NHSL1: variants seen among roughly 807,000 people sequenced by gnomAD.
NHSL1 encodes NHS like 1.
A neutral mutation model predicts 95.0 loss-of-function variants in NHSL1; 48 were observed. That is an observed-to-expected ratio of 0.51 (90% confidence interval 0.40 to 0.64). The LOEUF is 0.64. Ranked by LOEUF, NHSL1 falls within the 30% of genes least tolerant of loss-of-function variation. The pLI is 0.00. For missense variants in NHSL1, 1,971 were observed against 2,077.7 expected (o/e 0.95, Z 1.00); for synonymous variants, 783 against 833.9 (o/e 0.94, Z 1.05).
In NHSL1 at chr6:138,613,182, T is replaced by A. The variant is rs142093084; in HGVS notation, c.96+79294A>T. 1.9e-3 allele frequency among the ~76,000 whole-genome samples: 292 copies of A among 152,304 alleles called. 1 individual carries two copies. The highest frequency in any genetic ancestry group is 6.7e-3 in the African/African-American group (277 of 41,566). ...TTTTAACTAACTGCAGGCCAAAATA[T>A]TGGCCATTAGTGAACCAGCCTATAA... On this transcript the variant is annotated intron_variant, in intron 1 of 3. Coordinates refer to the NHSL1 transcript ENST00000491526.
intron 1 of NHSL1, among the ~76,000 whole-genome samples, chr6:138,506,765 T>G (rs1389100296): frequency 6.6e-6 from 1 of 152,180 alleles, no homozygotes; most frequent in African/African-American, 2.4e-5. Flanking sequence ...CAGTTGACAT[T>G]ATTAAAGGAA....
At chr6:138,589,280 T>C (rs1439298112) in intron 1 of NHSL1, among the ~76,000 whole-genome samples, 1 of 152,046 alleles carries the variant, frequency 6.6e-6, no homozygotes, top group African/African-American at 2.4e-5. Context: ...CGTGCCAGCA[T>C]CCCAGGGGCC....
intron 1 of NHSL1, among the ~76,000 whole-genome samples, chr6:138,565,210 G>A (rs530327455): frequency 5.3e-5 from 8 of 152,100 alleles, no homozygotes; most frequent in East Asian, 1.9e-4. Flanking sequence ...GGGTTCAAGC[G>A]ATTCTCCTGC....
intron 1 of NHSL1, among the ~76,000 whole-genome samples, chr6:138,668,591 GA>G (rs1785324439): frequency 6.9e-6 from 1 of 145,230 alleles, no homozygotes; most frequent in African/African-American, 2.5e-5. Context: ...TAAAAGGAAA[GA>G]AAAAAAGAAT....
chr6:138,571,631 T>C (rs977927753), intron 1 of NHSL1: 1 of 1,345,234 alleles, frequency 7.4e-7, no homozygotes, highest in African/African-American at 1.5e-5. Context: ...GCAAAAATCA[T>C]GAAGGGGGAG....
upstream of NHSL1, among the ~76,000 whole-genome samples, chr6:138,500,438 G>A (rs1780612560): frequency 1.3e-5 from 2 of 152,158 alleles, no homozygotes; most frequent in Admixed American, 1.3e-4. Flanking sequence ...ATATAGATCC[G>A]GAAATACTAT....
At chr6:138,450,704 A>C (rs183516407) in intron 3 of NHSL1, among the ~76,000 whole-genome samples, 100 of 152,326 alleles carry the variant, frequency 6.6e-4, no homozygotes, top group African/African-American at 2.2e-3. Flanking sequence ...TTTCTCTTAC[A>C]AGAAAATTTC....
intron 1 of NHSL1, among the ~76,000 whole-genome samples, chr6:138,591,269 A>C (rs1387905562): frequency 6.6e-6 from 1 of 152,222 alleles, no homozygotes; most frequent in Non-Finnish European, 1.5e-5. Flanking sequence ...TAAAATTATG[A>C]AAGTTTTCAA....
intron 1 of NHSL1, among the ~76,000 whole-genome samples, chr6:138,600,555 G>A (rs1471116125): frequency 6.6e-6 from 1 of 152,192 alleles, no homozygotes; most frequent in Non-Finnish European, 1.5e-5. Context: ...AACCAAAAGA[G>A]AACATTGCTC....
At chr6:138,467,137 GTTATT>G (rs1318049000) in intron 3 of NHSL1, among the ~76,000 whole-genome samples, 5 of 151,536 alleles carry the variant, frequency 3.3e-5, no homozygotes, top group African/African-American at 4.8e-5. Context: ...TATATTTTTT[GTTATT>G]TTATTTTATT....
Position 138,613,262 on chromosome 6 carries a change from G to T in NHSL1, c.96+79214C>A, listed in dbSNP as rs76778110. 9.8e-3 allele frequency among the ~76,000 whole-genome samples: 1,498 copies of T among 152,212 alleles called. 28 individuals are homozygous for T. Among genetic ancestry groups the T allele is most frequent in the African/African-American group, 0.033 (1,384 of 41,510 alleles). On this transcript the variant is annotated intron_variant, in intron 1 of 3. Transcript: ENST00000491526. ...GTGCCCATCTTGAGAAAGTTTTCAC[G>T]GTTTCTGATCGAGGTGGAGTTTTAG...
At chr6:138,603,698 CT>C (rs1784398944) in intron 1 of NHSL1, among the ~76,000 whole-genome samples, 1 of 152,196 alleles carries the variant, frequency 6.6e-6, no homozygotes, top group South Asian at 2.1e-4. Context: ...CTTTAAGTCT[CT>C]TATTCTAAGA....
intron 7 of NHSL1, among the ~76,000 whole-genome samples, chr6:138,426,777 T>A (rs1314679922): frequency 6.6e-6 from 1 of 151,664 alleles, no homozygotes; most frequent in African/African-American, 2.4e-5. Flanking sequence ...GTGGCCAGAG[T>A]GGACAGGGCA....
chr6:138,466,878 G>A (rs1778416055), intron 3 of NHSL1, among the ~76,000 whole-genome samples: 1 of 152,060 alleles, frequency 6.6e-6, no homozygotes, highest in Admixed American at 6.5e-5. Flanking sequence ...GAGATCAGGA[G>A]TTTGAGACCA....
chr6:138,573,924 C>A (rs1350993810), upstream of NHSL1, among the ~76,000 whole-genome samples: 1 of 152,104 alleles, frequency 6.6e-6, no homozygotes, highest in Non-Finnish European at 1.5e-5. Context: ...AATATCTCCA[C>A]TTTGACTACC....
intron 3 of NHSL1, chr6:138,464,221 C>A: frequency 1.3e-6 from 1 of 790,426 alleles, no homozygotes; most frequent in South Asian, 1.6e-5. Flanking sequence ...GGCTGCTGGC[C>A]GCCAGCTTGG....
At chr6:138,528,043 A>G (rs762423784) in intron 1 of NHSL1, among the ~76,000 whole-genome samples, 16 of 152,144 alleles carry the variant, frequency 1.1e-4, no homozygotes, top group Non-Finnish European at 2.4e-4. Context: ...CCATATTCCA[A>G]TCCATATTTT....
At chr6:138,525,119 C>T (rs1183300243) in intron 1 of NHSL1, among the ~76,000 whole-genome samples, 1 of 151,940 alleles carries the variant, frequency 6.6e-6, no homozygotes. Flanking sequence ...TGTCTCTGGG[C>T]GTTGGATTTT....
Position 138,632,965 on chromosome 6 carries a change from C to T in NHSL1, c.96+59511G>A, listed in dbSNP as rs559376861. 4.6e-5 allele frequency among the ~76,000 whole-genome samples: 7 copies of T among 152,058 alleles called. No homozygotes were observed. In the East Asian group the frequency reaches 1.4e-3, roughly 29 times the overall value. ...AAGAAACCTCAAATTCAAGATAACA[C>T]AGAAAAGGAATCAGAATTCTATCAA... On this transcript the variant is annotated intron_variant, in intron 1 of 3. Coordinates refer to the NHSL1 transcript ENST00000491526.
Sources: gnomAD v4.1 joint callset for allele counts (sites outside exome capture counted in the v4.1 genomes callset) on GRCh38, gnomAD v4.1.1 for gene constraint, MANE v1.5 for transcripts, NCBI Gene and HGNC (gene_info 2026-07-23, HGNC 2026-07-21) for gene names.